The following MYSM1 variants were observed in gnomAD, a reference collection of about 807,000 sequenced individuals.
The protein encoded by MYSM1 is Myb like, SWIRM and MPN domains 1.
MYSM1 carries 51 observed loss-of-function variants against 116.0 expected under a neutral mutation model. The ratio of observed to expected loss-of-function variants is 0.44; its 90% CI spans 0.35 to 0.56. The LOEUF (loss-of-function observed/expected upper bound fraction) is 0.56. MYSM1 is among the 20% of genes least tolerant of loss of function. The pLI, the probability that MYSM1 is intolerant of heterozygous loss-of-function variation, is 0.00. For missense variants in MYSM1, 900 were observed against 974.9 expected (o/e 0.92, Z 1.02); for synonymous variants, 313 against 315.2 (o/e 0.99, Z 0.07).
At chr1:58,697,964 TA>T (rs1645002338) in intron 1 of MYSM1, among the ~76,000 whole-genome samples, 1 of 150,568 alleles carries the variant, frequency 6.6e-6, no homozygotes, top group Non-Finnish European at 1.5e-5. Context: ...TCTATTAAAT[TA>T]ATTCTCAACG....
Position 58,699,998 on chromosome 1 carries a change from C to G in MYSM1, c.55G>C (p.Gly19Arg), listed in dbSNP as rs1254108602. ...TCTAAGCCTCACCCTGGCTGTGCCC[C>G]CGCCGCCGCTACCACGTCCCCTTCG... ...DIEGDVVAAA[G>R]AQPGSGENTA... Residue 19 changes from glycine (G) to arginine (R), a missense_variant, in exon 1 of 20, where the codon GGG becomes CGG. By Grantham distance (125) the Gly-to-Arg change is moderately radical (BLOSUM62 -2). Coordinates refer to ENST00000472487, the MANE Select transcript of MYSM1 (RefSeq NM_001085487.3). 6.2e-7 allele frequency: 1 copy of G among 1,613,676 alleles called. No individual in the cohort carries two copies. The highest frequency in any genetic ancestry group is 1.1e-5 in the South Asian group (1 of 91,090).
chr1:58,682,575 A>G, intron 7 of MYSM1, 30 bp from the exon 8 acceptor site: 1 of 1,522,222 alleles, frequency 6.6e-7, no homozygotes, highest in Non-Finnish European at 8.8e-7. Flanking sequence ...AAATCCCCAT[A>G]ATATTAAGAT....
At chr1:58,664,410 T>A (rs1464096638) in intron 17 of MYSM1, among the ~76,000 whole-genome samples, 2 of 152,212 alleles carry the variant, frequency 1.3e-5, no homozygotes, top group Non-Finnish European at 2.9e-5. Flanking sequence ...TGCAAAGCAA[T>A]TTATTAGGTG....
intron 15 of MYSM1, 47 bp downstream of exon 15, chr1:58,667,800 T>C (rs1475808248): frequency 2.8e-6 from 3 of 1,059,482 alleles, no homozygotes; most frequent in Non-Finnish European, 1.5e-6. Context: ...TTTGGTATGG[T>C]AGTAGGACTA....
Position 58,659,265 on chromosome 1 carries a change from G to T in MYSM1, c.*732C>A, listed in dbSNP as rs1452267058. The T allele has an allele frequency of 6.6e-6, 1 of 152,066 alleles. No homozygotes were observed. Among genetic ancestry groups the T allele is most frequent in the Non-Finnish European group, 1.5e-5 (1 of 68,010 alleles). 9.4% of individuals were successfully genotyped at this position (152,066 alleles called of 1,614,324 possible). Reference sequence around the variant, plus strand: ...GATTACCTATGTTCCAGTTAAATGAGGTTTTATCACACCTACTAATGTAAG... The same window carrying T: ...GATTACCTATGTTCCAGTTAAATGATGTTTTATCACACCTACTAATGTAAG... On this transcript the variant is annotated 3_prime_UTR_variant, in exon 20 of 20. Transcript: ENST00000472487.
At chr1:58,668,862 T>G in intron 13 of MYSM1, 122 bp downstream of exon 13, 1 of 982,102 alleles carries the variant, frequency 1.0e-6, no homozygotes. Context: ...CAGGGAGAAA[T>G]TCTCTCTCAT....
At position 58,673,143 on chromosome 1, in the gene MYSM1, C is replaced by T. The variant is rs10889109; in HGVS notation, c.1572+430G>A. 5.5e-4 allele frequency among the ~76,000 whole-genome samples: 83 copies of T among 152,118 alleles called. 2 individuals carry two copies. In the South Asian group the frequency reaches 0.015, roughly 27 times the overall value. On this transcript the variant is annotated intron_variant, in intron 11 of 19. Coordinates refer to ENST00000472487, the MANE Select transcript of MYSM1 (RefSeq NM_001085487.3). Reference sequence around the variant, plus strand: ...GTTGCTTAAAGTAACAAAGCCAGTACGTACACATTCACACATTCTATCCAT... The same window carrying T: ...GTTGCTTAAAGTAACAAAGCCAGTATGTACACATTCACACATTCTATCCAT...
intron 7 of MYSM1, among the ~76,000 whole-genome samples, chr1:58,683,666 T>C (rs1455070525): frequency 1.3e-5 from 2 of 152,180 alleles, no homozygotes; most frequent in Non-Finnish European, 1.5e-5. Flanking sequence ...ATAAGAGATA[T>C]GACAGCTCTC....
At chr1:58,672,847 A>G (rs1422802275) in intron 11 of MYSM1, among the ~76,000 whole-genome samples, 7 of 152,102 alleles carry the variant, frequency 4.6e-5, no homozygotes, top group African/African-American at 9.7e-5. Context: ...TGTCTTTCCT[A>G]TTAGAAATAC....
intron 12 of MYSM1, among the ~76,000 whole-genome samples, chr1:58,671,485 A>G (rs562735313): frequency 6.6e-6 from 1 of 152,156 alleles, no homozygotes; most frequent in Admixed American, 6.5e-5. Flanking sequence ...TAATTTTAAA[A>G]GGCTCAAATT....
At chr1:58,673,728 AAAC>A (rs1644600219) in intron 10 of MYSM1, 78 bp from the exon 11 acceptor site, 4 of 1,198,236 alleles carry the variant, frequency 3.3e-6, no homozygotes, top group Non-Finnish European at 4.9e-6. Flanking sequence ...CACAAAATGA[AAAC>A]AATAATTATC....
intron 7 of MYSM1, 97 bp from the exon 8 acceptor site, chr1:58,682,642 C>T: frequency 8.8e-7 from 1 of 1,140,584 alleles, no homozygotes; most frequent in Non-Finnish European, 1.2e-6. Context: ...TGTTATTAAA[C>T]TGAATACATG....
In MYSM1 at chr1:58,665,551, A is replaced by G. The variant is rs1256969276; in HGVS notation, c.2112T>C (p.Ser704=). 1.2e-6 allele frequency: 2 copies of G among 1,604,364 alleles called. No individual in the cohort carries two copies. The highest frequency in any genetic ancestry group is 3.3e-5 in the Admixed American group (2 of 59,876). The part of the protein sequence containing the change: ...PYNRNNPLPY[S]QITCLVISEE... ...CACTTATAACCAGGCAGGTAATCTG[A>G]GAATATGGTAAGGGATTATTTCGAT... Residue 704 remains serine, a synonymous_variant, in exon 17 of 20, where the codon TCT becomes TCC. Coordinates refer to ENST00000472487, the MANE Select transcript of MYSM1 (RefSeq NM_001085487.3).
At chr1:58,687,969 C>G (rs1644853248) in intron 6 of MYSM1, among the ~76,000 whole-genome samples, 2 of 152,024 alleles carry the variant, frequency 1.3e-5, no homozygotes, top group South Asian at 4.2e-4. Flanking sequence ...TAACCCTCAC[C>G]TCCTCTTTAA....
At chr1:58,680,040 A>T (rs1053717431) in intron 8 of MYSM1, among the ~76,000 whole-genome samples, 2 of 98,500 alleles carry the variant, frequency 2.0e-5, no homozygotes, top group African/African-American at 7.0e-5. Context: ...AAAAAAAAAA[A>T]AAAAAAAAAG....
Position 58,661,326 on chromosome 1 carries a change from A to T in MYSM1, c.2270+80T>A. Reference sequence around the variant, plus strand: ...CGGATGCCATACATCACAATTTTATATTTAACTTGGGTTTTCTCTGAAACA... The same window carrying T: ...CGGATGCCATACATCACAATTTTATTTTTAACTTGGGTTTTCTCTGAAACA... On this transcript the variant is annotated intron_variant, in intron 18 of 19. Coordinates refer to ENST00000472487, the MANE Select transcript of MYSM1 (RefSeq NM_001085487.3). The T allele has an allele frequency of 3.0e-6, 4 of 1,348,238 alleles. No individual in the cohort carries two copies. The South Asian group carries it at 4.8e-5, about 16-fold the overall frequency. The allele number at this position is 1,348,238 out of a possible 1,614,324, so 83.5% of individuals were successfully genotyped here. A position where few individuals can be genotyped will look rare whatever the true frequency, so the allele number is the denominator to read the frequency against.
At chr1:58,660,204 GT>G in intron 19 of MYSM1, 49 bp from the exon 20 acceptor site, 1 of 1,259,452 alleles carries the variant, frequency 7.9e-7, no homozygotes, top group East Asian at 2.6e-5. Context: ...AAGTATGAGG[GT>G]TTGCATTACT....
intron 8 of MYSM1, 130 bp from the exon 9 acceptor site, chr1:58,677,186 T>C: frequency 2.9e-6 from 2 of 689,364 alleles, no homozygotes; most frequent in Non-Finnish European, 4.7e-6. Flanking sequence ...GTGTAATAAA[T>C]ACAATACTAA....
In MYSM1 at chr1:58,673,513, T is replaced by C. The variant is rs150841181; in HGVS notation, c.1572+60A>G. The stretch of plus-strand genomic sequence containing the variant: ...GTACAATACATATGACATTAAGATG[T>C]ACAAATATATATTTAAAAACCAGTT... On this transcript the variant is annotated intron_variant, in intron 11 of 19. Transcript: ENST00000472487. The C allele has an allele frequency of 2.3e-6, 3 of 1,296,256 alleles. No homozygotes were observed. In the East Asian group the frequency reaches 7.0e-5, roughly 30 times the overall value. The allele number at this position is 1,296,256 out of a possible 1,614,324, so 80.3% of individuals were successfully genotyped here. A position where few individuals can be genotyped will look rare whatever the true frequency, so the allele number is the denominator to read the frequency against.
Sources: allele counts gnomAD v4.1 joint callset (sites outside exome capture counted in the v4.1 genomes callset), GRCh38; gene constraint gnomAD v4.1.1; transcripts MANE v1.5; gene names NCBI Gene and HGNC (gene_info 2026-07-23, HGNC 2026-07-21).